The following SH3KBP1 variants were observed in gnomAD, a reference collection of about 807,000 sequenced individuals.
SH3KBP1 encodes SH3 domain containing kinase binding protein 1.
SH3KBP1 carries 8 observed loss-of-function variants against 50.1 expected under a neutral mutation model. That is an observed-to-expected ratio of 0.16 (90% CI 0.09 to 0.29). The LOEUF (loss-of-function observed/expected upper bound fraction) is 0.29, where lower values mean the gene tolerates loss of function less well. Among genes scored for constraint, SH3KBP1 ranks in the 10% least tolerant of loss-of-function variants. SH3KBP1 has a pLI of 1.00. For synonymous variants in SH3KBP1, 227 were observed against 218.6 expected (o/e 1.04, Z -0.34); for missense variants, 377 against 535.2 (o/e 0.70, Z 2.92).
At chrX:19,538,340 G>A (rs2064779057) in intron 16 of SH3KBP1, among the ~76,000 whole-genome samples, 1 of 110,484 alleles carries the variant, frequency 9.1e-6, no homozygotes, top group African/African-American at 3.3e-5. Flanking sequence ...GAGTAGCTAG[G>A]ACTACAAGCG....
In SH3KBP1 at chrX:19,608,576, T is replaced by C. The variant is rs1000639160; in HGVS notation, c.898-531A>G. ...CGCCCGCCTTGGCCTCCCAAAGTGC[T>C]GAGATTACAGGCATGGGCCACTGCG... On this transcript the variant is annotated intron_variant, in intron 8 of 17. Coordinates refer to ENST00000397821, the MANE Select transcript of SH3KBP1 (RefSeq NM_031892.3). 4.5e-5 allele frequency among the ~76,000 whole-genome samples: 5 copies of C among 112,101 alleles called. No homozygotes were observed. The East Asian group carries it at 1.4e-3, about 31-fold the overall frequency.
At chrX:19,571,830 C>CA (rs1345676993) in intron 12 of SH3KBP1, among the ~76,000 whole-genome samples, 2 of 100,054 alleles carry the variant, frequency 2.0e-5, no homozygotes, top group Admixed American at 2.2e-4. Context: ...CTCTACTTGG[C>CA]TTTTTTTTTT....
intron 3 of SH3KBP1, among the ~76,000 whole-genome samples, chrX:19,714,509 T>TA (rs35440552): frequency 0.17 from 18,450 of 108,779 alleles, 1,337 homozygotes; most frequent in African/African-American, 0.21. Context: ...AAAATTTATT[T>TA]AAAAAAAAGA....
chrX:19,861,905 G>T (rs747578569), intron 1 of SH3KBP1, among the ~76,000 whole-genome samples: 12 of 111,974 alleles, frequency 1.1e-4, no homozygotes, highest in Non-Finnish European at 2.1e-4. Flanking sequence ...AGATTTTATT[G>T]TTCTTTGGCC....
intron 8 of SH3KBP1, among the ~76,000 whole-genome samples, chrX:19,615,593 C>A (rs1472062601): frequency 8.9e-6 from 1 of 111,991 alleles, no homozygotes; most frequent in Non-Finnish European, 1.9e-5. Context: ...GAAGCCGGGG[C>A]CCAGAAGCAC....
At chrX:19,804,042 G>A (rs2066960587) in intron 2 of SH3KBP1, among the ~76,000 whole-genome samples, 1 of 111,685 alleles carries the variant, frequency 9.0e-6, no homozygotes, top group Non-Finnish European at 1.9e-5. Context: ...CATGGTGGCG[G>A]GTGCCTGTAA....
intron 2 of SH3KBP1, among the ~76,000 whole-genome samples, chrX:19,828,645 G>T (rs192939720): frequency 2.0e-4 from 22 of 109,824 alleles, no homozygotes; most frequent in Middle Eastern, 9.5e-3. Context: ...TTACCCAGGT[G>T]AGGTGGCATA....
Position 19,804,585 on chromosome X carries a change from C to A in SH3KBP1, c.162+31540G>T, listed in dbSNP as rs560088372. On this transcript the variant is annotated intron_variant, in intron 2 of 17. Transcript: ENST00000397821. Reference sequence around the variant, plus strand: ...GAAGTTTTCAAAGCTGTCATTACTCCCCCATCCCCAATAAACAAAGCTGGC... The same window carrying A: ...GAAGTTTTCAAAGCTGTCATTACTCACCCATCCCCAATAAACAAAGCTGGC... Among the ~76,000 whole-genome samples, 6 of 110,764 alleles carry A rather than the reference C, an allele frequency of 5.4e-5. No individual in the cohort carries two copies. The South Asian group carries it at 2.3e-3, about 42-fold the overall frequency.
At chrX:19,599,127 C>T (rs771915456) in intron 9 of SH3KBP1, among the ~76,000 whole-genome samples, 8 of 111,728 alleles carry the variant, frequency 7.2e-5, no homozygotes, top group Admixed American at 1.9e-4. Flanking sequence ...TACCCCTGGA[C>T]ATCTTCCTCA....
chrX:19,568,639 G>A (rs924575177), intron 13 of SH3KBP1, among the ~76,000 whole-genome samples: 1 of 111,493 alleles, frequency 9.0e-6, no homozygotes, highest in Admixed American at 9.5e-5. Flanking sequence ...TCACATGGTG[G>A]TATCCTGACC....
chrX:19,546,923 G>A (rs1175299303), intron 14 of SH3KBP1, among the ~76,000 whole-genome samples: 2 of 111,204 alleles, frequency 1.8e-5, no homozygotes, highest in South Asian at 3.8e-4. Context: ...ATTATGAGGC[G>A]GGAGGATCTC....
At chrX:19,883,898 G>A (rs1490711775) in intron 1 of SH3KBP1, among the ~76,000 whole-genome samples, 1 of 111,180 alleles carries the variant, frequency 9.0e-6, no homozygotes, top group Non-Finnish European at 1.9e-5. Context: ...ATTCCCCCTG[G>A]TAGCATCCAA....
intron 2 of SH3KBP1, among the ~76,000 whole-genome samples, chrX:19,823,133 C>T (rs1344763431): frequency 9.0e-6 from 1 of 111,345 alleles, no homozygotes; most frequent in Admixed American, 9.6e-5. Context: ...CCTACCACTG[C>T]TGAGTGGGAG....
intron 13 of SH3KBP1, among the ~76,000 whole-genome samples, chrX:19,552,901 G>A (rs1001665943): frequency 9.1e-6 from 1 of 109,409 alleles, no homozygotes; most frequent in Non-Finnish European, 1.9e-5. Flanking sequence ...CGGAGGAGTG[G>A]AGAGGCCACC....
At chrX:19,658,367 C>T (rs1203902787) in intron 6 of SH3KBP1, among the ~76,000 whole-genome samples, 1 of 111,864 alleles carries the variant, frequency 8.9e-6, no homozygotes, top group Admixed American at 9.5e-5. Flanking sequence ...TAAAGACTAC[C>T]TCTAAATCTC....
chrX:19,681,382 T>C (rs2063046901), intron 6 of SH3KBP1, among the ~76,000 whole-genome samples: 1 of 112,793 alleles, frequency 8.9e-6, no homozygotes, highest in Non-Finnish European at 1.9e-5. Flanking sequence ...ATTCTAGAGA[T>C]GTCTGTAATC....
At chrX:19,840,217 T>C (rs1384652277) in intron 1 of SH3KBP1, among the ~76,000 whole-genome samples, 1 of 111,912 alleles carries the variant, frequency 8.9e-6, no homozygotes, top group African/African-American at 3.3e-5. Context: ...TGCAAGCCTT[T>C]GAAAGGTTTA....
chrX:19,644,512 A>G (rs752341943), intron 7 of SH3KBP1, among the ~76,000 whole-genome samples: 1 of 111,766 alleles, frequency 8.9e-6, no homozygotes, highest in Non-Finnish European at 1.9e-5. Flanking sequence ...CATTGTTTTA[A>G]AAAGAAAATA....
At chrX:19,622,816 G>A (rs1426201568) in intron 8 of SH3KBP1, among the ~76,000 whole-genome samples, 1 of 112,150 alleles carries the variant, frequency 8.9e-6, no homozygotes, top group Non-Finnish European at 1.9e-5. Flanking sequence ...GCCAAGGCAG[G>A]CGGATCACTT....
Sources: gnomAD v4.1 joint callset for allele counts (sites outside exome capture counted in the v4.1 genomes callset) on GRCh38, gnomAD v4.1.1 for gene constraint, MANE v1.5 for transcripts, NCBI Gene and HGNC (gene_info 2026-07-23, HGNC 2026-07-21) for gene names.